The following ROBO2 variants were observed in gnomAD, a reference collection of about 807,000 sequenced individuals.
ROBO2 encodes roundabout homolog 2.
Under a neutral mutation model 160.8 loss-of-function variants are expected in ROBO2, and 53 were observed. The ratio of observed to expected loss-of-function variants is 0.33; its 90% CI spans 0.26 to 0.41. ROBO2 has a LOEUF of 0.41. Among genes scored for constraint, ROBO2 ranks in the 10% least tolerant of loss-of-function variants. The probability of loss-of-function intolerance (pLI) is 1.00; values close to 1 mark genes in which losing one functional copy is unlikely to be tolerated. For synonymous variants in ROBO2, 664 were observed against 611.7 expected (o/e 1.09, Z -1.26); for missense variants, 1,577 against 1,722.4 (o/e 0.92, Z 1.49).
intron 2 of ROBO2, among the ~76,000 whole-genome samples, chr3:76,417,279 A>C (rs1429198538): frequency 6.6e-6 from 1 of 152,222 alleles, no homozygotes; most frequent in East Asian, 1.9e-4. Context: ...ATGTCTTGCC[A>C]CAGGCCATCT....
intron 2 of ROBO2, among the ~76,000 whole-genome samples, chr3:77,390,976 T>C (rs1262296739): frequency 1.3e-5 from 2 of 152,078 alleles, no homozygotes; most frequent in African/African-American, 4.8e-5. Context: ...TCAGTCCCTT[T>C]GAATTTCAGA....
intron 2 of ROBO2, among the ~76,000 whole-genome samples, chr3:77,417,384 T>C (rs979975453): frequency 6.6e-6 from 1 of 152,140 alleles, no homozygotes; most frequent in Non-Finnish European, 1.5e-5. Context: ...GAGGATGTGA[T>C]TAAGTAATAC....
intron 2 of ROBO2, among the ~76,000 whole-genome samples, chr3:76,274,364 A>T (rs578025288): frequency 6.6e-6 from 1 of 152,138 alleles, no homozygotes; most frequent in East Asian, 1.9e-4. Context: ...AAAAAAAAGA[A>T]TTTTCAGCAT....
intron 2 of ROBO2, among the ~76,000 whole-genome samples, chr3:76,477,702 G>A (rs1229848193): frequency 6.6e-6 from 1 of 151,778 alleles, no homozygotes; most frequent in Non-Finnish European, 1.5e-5. Flanking sequence ...TTTATCCACA[G>A]TCTTCAAACT....
chr3:77,424,274 G>A (rs920833249), intron 2 of ROBO2, among the ~76,000 whole-genome samples: 3 of 152,132 alleles, frequency 2.0e-5, no homozygotes, highest in Non-Finnish European at 4.4e-5. Flanking sequence ...ACAGGCAGAG[G>A]AAATGGGAGA....
intron 2 of ROBO2, among the ~76,000 whole-genome samples, chr3:76,659,477 A>G (rs2091725260): frequency 6.6e-6 from 1 of 151,776 alleles, no homozygotes. Flanking sequence ...TTAGGGCAGT[A>G]TATTGCTCTG....
At chr3:76,700,016 CAA>C (rs957321344) in intron 2 of ROBO2, among the ~76,000 whole-genome samples, 4 of 151,558 alleles carry the variant, frequency 2.6e-5, no homozygotes, top group African/African-American at 9.7e-5. Flanking sequence ...AGAAAAATAG[CAA>C]AAAAAACCCA....
chr3:77,450,469 G>A (rs893001871), intron 2 of ROBO2, among the ~76,000 whole-genome samples: 8 of 152,126 alleles, frequency 5.3e-5, no homozygotes, highest in African/African-American at 1.9e-4. Context: ...ATAATCCCTT[G>A]ATAAGTGATG....
intron 2 of ROBO2, among the ~76,000 whole-genome samples, chr3:76,011,082 C>A (rs2066177593): frequency 6.6e-6 from 1 of 152,120 alleles, no homozygotes; most frequent in African/African-American, 2.4e-5. Flanking sequence ...ACTGCGGAAG[C>A]CTTTTCTGTT....
chr3:76,589,945 C>G (rs2086308093), intron 2 of ROBO2, among the ~76,000 whole-genome samples: 1 of 152,106 alleles, frequency 6.6e-6, no homozygotes, highest in Non-Finnish European at 1.5e-5. Context: ...GATCCTCCAC[C>G]TTTAGGCAGA....
At chr3:77,244,953 T>C (rs1384640280) in intron 2 of ROBO2, among the ~76,000 whole-genome samples, 5 of 3,146 alleles carry the variant, frequency 1.6e-3, no homozygotes, top group Non-Finnish European at 2.5e-3. Flanking sequence ...AATGAACAGC[T>C]TTTTTTTTTT....
At chr3:77,040,613 T>C in exon 1 of ROBO2, 1 of 1,473,022 alleles carries the variant, frequency 6.8e-7, no homozygotes, top group Non-Finnish European at 8.9e-7. Flanking sequence ...TGTGCCCCGT[T>C]CGAGACCTCT....
intron 2 of ROBO2, among the ~76,000 whole-genome samples, chr3:76,857,501 T>G (rs2070254950): frequency 6.6e-6 from 1 of 152,296 alleles, no homozygotes; most frequent in South Asian, 2.1e-4. Context: ...TTAGTCACAA[T>G]TTATGACATA....
At chr3:76,768,249 A>G (rs1253753878) in intron 2 of ROBO2, among the ~76,000 whole-genome samples, 2 of 151,456 alleles carry the variant, frequency 1.3e-5, no homozygotes, top group African/African-American at 4.8e-5. Context: ...TGTTTTACAC[A>G]GTGCACACTT....
chr3:76,031,705 G>A (rs531098345), intron 2 of ROBO2, among the ~76,000 whole-genome samples: 2 of 152,066 alleles, frequency 1.3e-5, no homozygotes, highest in African/African-American at 4.8e-5. Flanking sequence ...GCATCCCAGG[G>A]ATGAAGCCAA....
intron 16 of ROBO2, 83 bp from the exon 18 acceptor site, chr3:77,588,668 T>C (rs2094113029): frequency 1.5e-6 from 2 of 1,296,296 alleles, no homozygotes; most frequent in South Asian, 1.3e-5. Context: ...CAAATAATTT[T>C]TCTTCATTTT....
chr3:76,385,431 A>G (rs1480089363), intron 2 of ROBO2, among the ~76,000 whole-genome samples: 1 of 152,228 alleles, frequency 6.6e-6, no homozygotes, highest in Non-Finnish European at 1.5e-5. Context: ...AATGGGCACC[A>G]TTGCTATCTA....
At chr3:76,718,634 A>AG (rs1205985487) in intron 2 of ROBO2, among the ~76,000 whole-genome samples, 1 of 152,224 alleles carries the variant, frequency 6.6e-6, no homozygotes, top group Non-Finnish European at 1.5e-5. Flanking sequence ...AAATAGTCAC[A>AG]GGGCATTAGT....
At chr3:76,667,804 A>G (rs1470556) in intron 2 of ROBO2, among the ~76,000 whole-genome samples, 68,260 of 151,400 alleles carry the variant, frequency 0.45, 15,912 homozygotes, top group African/African-American at 0.57. Flanking sequence ...AAGATAGAAA[A>G]TGTTCAATAT....
Sources: allele counts gnomAD v4.1 joint callset (sites outside exome capture counted in the v4.1 genomes callset), GRCh38; gene constraint gnomAD v4.1.1; transcripts MANE v1.5; gene names NCBI Gene and HGNC (gene_info 2026-07-23, HGNC 2026-07-21).